N4BP2L2: variants seen among roughly 807,000 people sequenced by gnomAD.
The protein encoded by N4BP2L2 is NEDD4-binding protein 2-like 2.
Under a neutral mutation model 56.2 loss-of-function variants are expected in N4BP2L2, and 50 were observed. The ratio of observed to expected loss-of-function variants is 0.89; its 90% CI spans 0.71 to 1.13. The LOEUF is 1.13. N4BP2L2 is among the 50% of genes most tolerant of loss of function. The probability of loss-of-function intolerance (pLI) is 0.00; values close to 1 mark genes in which losing one functional copy is unlikely to be tolerated. For missense variants in N4BP2L2, 689 were observed against 693.8 expected (o/e 0.99, Z 0.08); for synonymous variants, 203 against 223.6 (o/e 0.91, Z 0.82).
At chr13:32,478,193 T>C (rs1390528249) in intron 6 of N4BP2L2, 3 of 524,110 alleles carry the variant, frequency 5.7e-6, no homozygotes, top group Non-Finnish European at 8.9e-6. Flanking sequence ...TATTTTCTAA[T>C]AAAACAGGAA....
intron 9 of N4BP2L2, among the ~76,000 whole-genome samples, chr13:32,433,407 G>A (rs571595661): frequency 6.6e-6 from 1 of 151,824 alleles, no homozygotes; most frequent in Admixed American, 6.5e-5. Flanking sequence ...GAGGTGGGCA[G>A]ATCACCTGAG....
At chr13:32,469,615 G>A (rs905619877) in intron 6 of N4BP2L2, among the ~76,000 whole-genome samples, 8 of 152,330 alleles carry the variant, frequency 5.3e-5, no homozygotes, top group Middle Eastern at 3.4e-3. Context: ...GGCAACTAAT[G>A]TCGGCAGCGT....
intron 6 of N4BP2L2, among the ~76,000 whole-genome samples, chr13:32,500,547 A>C (rs1462485559): frequency 2.5e-5 from 2 of 81,118 alleles, no homozygotes; most frequent in African/African-American, 1.1e-4. Flanking sequence ...CTGTCTCTAC[A>C]AAAAAAAAAA....
At chr13:32,515,014 T>A (rs1397874289) in exon 6 of N4BP2L2, 1 of 152,542 alleles carries the variant, frequency 6.6e-6, no homozygotes, top group African/African-American at 2.4e-5. Context: ...GGCGAGTGCC[T>A]CTAATCCCAG....
At chr13:32,537,952 C>T (rs181808810) in intron 1 of N4BP2L2, among the ~76,000 whole-genome samples, 30 of 151,872 alleles carry the variant, frequency 2.0e-4, no homozygotes, top group African/African-American at 7.0e-4. Flanking sequence ...CACTTGTGGT[C>T]CCAGCTACTC....
At chr13:32,443,171 T>A (rs1393820796) in exon 7 of N4BP2L2, 1 of 1,613,966 alleles carries the variant, frequency 6.2e-7, no homozygotes, top group South Asian at 1.1e-5. Context: ...AATGAATCCA[T>A]AGTTTCAGGT....
intron 6 of N4BP2L2, among the ~76,000 whole-genome samples, chr13:32,451,534 TAA>T (rs1045624493): frequency 2.0e-5 from 3 of 151,982 alleles, no homozygotes; most frequent in African/African-American, 7.2e-5. Flanking sequence ...CTAGAAAATA[TAA>T]GTTATTTAAT....
chr13:32,525,998 C>T (rs1166959434), intron 3 of N4BP2L2, among the ~76,000 whole-genome samples: 1 of 114,776 alleles, frequency 8.7e-6, no homozygotes, highest in Non-Finnish European at 1.6e-5. Context: ...CTCACCATTA[C>T]TAAGAACAGG....
In N4BP2L2 at chr13:32,459,916, G is replaced by T. The variant is rs566996497; in HGVS notation, c.366-15790C>A. On this transcript the variant is annotated intron_variant, in intron 6 of 9. Coordinates refer to the N4BP2L2 transcript ENST00000357505. ...GATGCAAAAATCCTCAGCAGAATAT[G>T]AACAAATGGAATCTAACAGTACATC... 6.6e-5 allele frequency among the ~76,000 whole-genome samples: 10 copies of T among 152,178 alleles called. No individual in the cohort carries two copies. The East Asian group carries it at 1.9e-3, about 29-fold the overall frequency.
intron 6 of N4BP2L2, among the ~76,000 whole-genome samples, chr13:32,491,573 CTATA>C (rs1037917711): frequency 2.1e-5 from 3 of 145,314 alleles, no homozygotes; most frequent in African/African-American, 5.0e-5. Context: ...TATATATAAA[CTATA>C]TATAAATTAT....
At chr13:32,517,199 T>C in exon 6 of N4BP2L2, 1 of 984,964 alleles carries the variant, frequency 1.0e-6, no homozygotes, top group Non-Finnish European at 1.2e-6. Flanking sequence ...ACAAGATGAA[T>C]ATGCATATTA....
chr13:32,519,485 G>A (rs961849987), intron 5 of N4BP2L2, among the ~76,000 whole-genome samples: 6 of 151,946 alleles, frequency 3.9e-5, no homozygotes, highest in African/African-American at 1.2e-4. Context: ...GTGAAACTCC[G>A]TCTCTACTAA....
chr13:32,522,303 A>G (rs779264478), intron 3 of N4BP2L2, 33 bp from the exon 4 acceptor site: 2 of 1,354,044 alleles, frequency 1.5e-6, no homozygotes, highest in African/African-American at 3.0e-5. Flanking sequence ...AAATAAAAAA[A>G]CAAATTAGGT....
At position 32,516,118 on chromosome 13, in the gene N4BP2L2, G is replaced by A. The variant is rs1032065247; in HGVS notation, c.*1684C>T. 5.9e-5 allele frequency: 9 copies of A among 152,154 alleles called. No homozygotes were observed. The South Asian group carries it at 6.2e-4, about 11-fold the overall frequency. 9.4% of individuals were successfully genotyped at this position (152,154 alleles called of 1,614,324 possible). On this transcript the variant is annotated 3_prime_UTR_variant, in exon 6 of 6. Coordinates refer to ENST00000267068, the Ensembl canonical transcript of N4BP2L2. ...AAAGGGACATATAGTCTACCTAAGA[G>A]TTGTTTCACCTGTCCCAAAATGAAA...
exon 6 of N4BP2L2, chr13:32,517,802 T>C: frequency 1.2e-6 from 2 of 1,612,546 alleles, no homozygotes; most frequent in Non-Finnish European, 1.7e-6. Flanking sequence ...AATAGCTAAT[T>C]TAATGATTAT....
chr13:32,461,791 CAG>C (rs2080133478), intron 6 of N4BP2L2, among the ~76,000 whole-genome samples: 2 of 152,104 alleles, frequency 1.3e-5, no homozygotes, highest in Admixed American at 6.6e-5. Flanking sequence ...GTTGTAGAGG[CAG>C]AGTCTCACTA....
At position 32,498,590 on chromosome 13, in the gene N4BP2L2, C is replaced by T. The variant is rs538169321; in HGVS notation, c.365+19267G>A. ...CTCCTGACCTCAAGTGATCCACCTG[C>T]CTTGGCCTCCCAAAGTGCTGGGATT... On this transcript the variant is annotated intron_variant, in intron 6 of 9. Transcript: ENST00000357505. 4.2e-3 allele frequency among the ~76,000 whole-genome samples: 638 copies of T among 151,954 alleles called. 6 individuals carry two copies. The highest frequency in any genetic ancestry group is 0.014 in the African/African-American group (594 of 41,500).
chr13:32,443,792 G>A (rs750495487), exon 7 of N4BP2L2: 2 of 1,581,300 alleles, frequency 1.3e-6, no homozygotes, highest in Non-Finnish European at 1.7e-6. Context: ...TAATTCTTTG[G>A]TGTGTTGTCT....
intron 6 of N4BP2L2, chr13:32,444,197 T>C (rs1417177946): frequency 5.1e-6 from 6 of 1,177,858 alleles, no homozygotes; most frequent in South Asian, 2.1e-5. Context: ...TATAACATCA[T>C]ACTCTTCATG....
Sources: allele counts gnomAD v4.1 joint callset (sites outside exome capture counted in the v4.1 genomes callset), GRCh38; gene constraint gnomAD v4.1.1; transcripts MANE v1.5; gene names NCBI Gene and HGNC (gene_info 2026-07-23, HGNC 2026-07-21).